Variants in SKAP1 observed in about 807,000 individuals in gnomAD.
SKAP1 encodes src kinase-associated phosphoprotein 1.
Under a neutral mutation model 58.5 loss-of-function variants are expected in SKAP1, and 44 were observed. That is an observed-to-expected ratio of 0.75 (90% confidence interval 0.59 to 0.97). The LOEUF (loss-of-function observed/expected upper bound fraction) is 0.97, where lower values mean the gene tolerates loss of function less well. SKAP1 is among the 50% of genes least tolerant of loss of function. SKAP1 has a pLI of 0.00. For missense variants in SKAP1, 390 were observed against 435.2 expected (o/e 0.90, Z 0.92); for synonymous variants, 127 against 149.7 (o/e 0.85, Z 1.11).
chr17:48,291,180 T>G (rs1354574233), intron 4 of SKAP1, among the ~76,000 whole-genome samples: 2 of 152,150 alleles, frequency 1.3e-5, no homozygotes, highest in Non-Finnish European at 2.9e-5. Flanking sequence ...TTTCTCTAAC[T>G]TTGCAAGCAC....
intron 4 of SKAP1, among the ~76,000 whole-genome samples, chr17:48,206,237 A>G (rs921178623): frequency 6.6e-6 from 1 of 152,016 alleles, no homozygotes; most frequent in African/African-American, 2.4e-5. Flanking sequence ...AAAAACAAGA[A>G]TTTTTTTTAC....
At chr17:48,403,290 C>T (rs1043386553) in intron 1 of SKAP1, among the ~76,000 whole-genome samples, 1 of 151,882 alleles carries the variant, frequency 6.6e-6, no homozygotes, top group Non-Finnish European at 1.5e-5. Context: ...ATCCATTGAG[C>T]CCAGGAGTTC....
At chr17:48,331,631 G>A (rs1338509214) in intron 4 of SKAP1, among the ~76,000 whole-genome samples, 3 of 152,068 alleles carry the variant, frequency 2.0e-5, no homozygotes, top group East Asian at 3.9e-4. Context: ...CCCGGGAGGC[G>A]GAGGTTGCTG....
intron 3 of SKAP1, among the ~76,000 whole-genome samples, chr17:48,350,555 G>A (rs2066785881): frequency 6.6e-6 from 1 of 152,168 alleles, no homozygotes; most frequent in Admixed American, 6.5e-5. Context: ...AATTAGCCAG[G>A]AATGGTGGTG....
At chr17:48,278,311 C>T (rs1262310500) in intron 4 of SKAP1, among the ~76,000 whole-genome samples, 1 of 152,058 alleles carries the variant, frequency 6.6e-6, no homozygotes, top group Non-Finnish European at 1.5e-5. Flanking sequence ...TCTTTCTTTA[C>T]CTGCATGGTT....
upstream of SKAP1, among the ~76,000 whole-genome samples, chr17:48,432,377 C>T (rs773580076): frequency 3.3e-5 from 5 of 151,606 alleles, no homozygotes; most frequent in East Asian, 5.8e-4. Context: ...TGCAGTGAGC[C>T]GAGATCAGGC....
At chr17:48,279,171 CT>C (rs1439283082) in intron 4 of SKAP1, among the ~76,000 whole-genome samples, 1 of 152,122 alleles carries the variant, frequency 6.6e-6, no homozygotes, top group East Asian at 1.9e-4. Flanking sequence ...ACACACTTCT[CT>C]GCCAAAATAG....
chr17:48,253,500 C>G (rs921960034), intron 4 of SKAP1, among the ~76,000 whole-genome samples: 1 of 152,098 alleles, frequency 6.6e-6, no homozygotes, highest in African/African-American at 2.4e-5. Context: ...TAAAATTACA[C>G]GTGGCATTTC....
chr17:48,335,846 A>C (rs1230994221), intron 4 of SKAP1, among the ~76,000 whole-genome samples: 1 of 152,078 alleles, frequency 6.6e-6, no homozygotes, highest in African/African-American at 2.4e-5. Flanking sequence ...AACATATGAA[A>C]TGATTTTAAG....
chr17:48,238,354 T>G (rs1417490965), intron 4 of SKAP1, among the ~76,000 whole-genome samples: 1 of 152,190 alleles, frequency 6.6e-6, no homozygotes, highest in Non-Finnish European at 1.5e-5. Flanking sequence ...ACAAAAAGAT[T>G]ATCTTTCATG....
intron 11 of SKAP1, among the ~76,000 whole-genome samples, chr17:48,151,044 C>T (rs1371435772): frequency 1.3e-5 from 2 of 151,478 alleles, no homozygotes; most frequent in Non-Finnish European, 2.9e-5. Flanking sequence ...CCTCCCTCCC[C>T]TTCCAAAGAC....
intron 4 of SKAP1, among the ~76,000 whole-genome samples, chr17:48,329,576 A>G (rs1439010860): frequency 6.6e-6 from 1 of 152,170 alleles, no homozygotes; most frequent in South Asian, 2.1e-4. Flanking sequence ...GCGTGGCGGC[A>G]GGCGCCTGTA....
chr17:48,271,369 T>TC (rs2065631237), intron 4 of SKAP1, among the ~76,000 whole-genome samples: 1 of 144,898 alleles, frequency 6.9e-6, no homozygotes, highest in Non-Finnish European at 1.5e-5. Flanking sequence ...TTTCTTTTTT[T>TC]TTTTTTTTTT....
At chr17:48,312,510 A>C (rs565051757) in intron 4 of SKAP1, among the ~76,000 whole-genome samples, 2 of 152,260 alleles carry the variant, frequency 1.3e-5, no homozygotes, top group African/African-American at 4.8e-5. Flanking sequence ...CTATGTTCTT[A>C]TTGTTTGTCC....
chr17:48,324,593 A>T (rs1482836688), intron 4 of SKAP1, among the ~76,000 whole-genome samples: 2 of 152,194 alleles, frequency 1.3e-5, no homozygotes, highest in African/African-American at 2.4e-5. Context: ...TTCCATAGTC[A>T]TTATATAAAT....
At chr17:48,273,715 G>C (rs377507082) in intron 4 of SKAP1, among the ~76,000 whole-genome samples, 1 of 152,160 alleles carries the variant, frequency 6.6e-6, no homozygotes, top group South Asian at 2.1e-4. Flanking sequence ...CACCGTGCCC[G>C]GCTCTTTTAT....
intron 4 of SKAP1, among the ~76,000 whole-genome samples, chr17:48,258,507 C>T (rs1268133336): frequency 3.3e-5 from 5 of 152,108 alleles, no homozygotes; most frequent in Non-Finnish European, 5.9e-5. Flanking sequence ...CTCTGTAATG[C>T]ACTGCATGTT....
intron 4 of SKAP1, among the ~76,000 whole-genome samples, chr17:48,281,005 GT>G (rs1035554066): frequency 3.3e-5 from 5 of 151,916 alleles, no homozygotes. Flanking sequence ...CAGAGCTCAG[GT>G]TTTTTTACTT....
chr17:48,198,646 C>T (rs1033740146), intron 4 of SKAP1, among the ~76,000 whole-genome samples: 5 of 151,740 alleles, frequency 3.3e-5, no homozygotes, highest in African/African-American at 4.8e-5. Flanking sequence ...TCATGAATTC[C>T]CACAGTGCTT....
Sources: gnomAD v4.1 joint callset for allele counts (sites outside exome capture counted in the v4.1 genomes callset) on GRCh38, gnomAD v4.1.1 for gene constraint, MANE v1.5 for transcripts, NCBI Gene and HGNC (gene_info 2026-07-23, HGNC 2026-07-21) for gene names.